The following CDK12 variants were observed in gnomAD, a reference collection of about 807,000 sequenced individuals.
CDK12 encodes the protein cyclin dependent kinase 12, also known as cyclin-dependent kinase 12.
A neutral mutation model predicts 133.8 loss-of-function variants in CDK12; 17 were observed. The observed-to-expected ratio is 0.13, with a 90% CI of 0.09 to 0.19. CDK12 has a LOEUF of 0.19. CDK12 is among the 10% of genes least tolerant of loss of function. The pLI is 1.00. For missense variants in CDK12, 1,508 were observed against 1,818.7 expected (o/e 0.83, Z 3.11); for synonymous variants, 694 against 683.6 (o/e 1.02, Z -0.24).
intron 3 of CDK12, among the ~76,000 whole-genome samples, chr17:39,491,523 A>G (rs2051600308): frequency 6.6e-6 from 1 of 152,160 alleles, no homozygotes; most frequent in Middle Eastern, 3.4e-3. Flanking sequence ...GGCGTGAGCC[A>G]CCGCGTCCGG....
intron 2 of CDK12, among the ~76,000 whole-genome samples, chr17:39,489,586 C>T (rs189341766): frequency 1.8e-4 from 27 of 148,004 alleles, no homozygotes; most frequent in African/African-American, 4.5e-4. Flanking sequence ...CTCACTGGAA[C>T]GATTCAAGCA....
downstream of CDK12, among the ~76,000 whole-genome samples, chr17:39,536,030 T>C (rs900261843): frequency 6.6e-6 from 1 of 152,112 alleles, no homozygotes; most frequent in Non-Finnish European, 1.5e-5. Flanking sequence ...ACAGTTCTTA[T>C]CTGTAGGAAC....
intron 3 of CDK12, chr17:39,556,844 C>G (rs2056182413): frequency 6.6e-6 from 1 of 152,128 alleles, no homozygotes; most frequent in South Asian, 2.1e-4. Flanking sequence ...ACACCCCTCC[C>G]CTCCATTCTA....
chr17:39,565,447 A>T (rs1296246001), downstream of CDK12, among the ~76,000 whole-genome samples: 3 of 73,772 alleles, frequency 4.1e-5, no homozygotes, highest in East Asian at 4.3e-4. Flanking sequence ...TTGTTTGTTT[A>T]AAAAAAACGG....
rs759288732 is a variant in CDK12, at chr17:39,515,826, C to T, written c.2846+18C>T. On this transcript the variant is annotated intron_variant, in intron 9 of 13. Coordinates refer to ENST00000447079, the MANE Select transcript of CDK12 (RefSeq NM_016507.4). ...CTGATCAGGTACAGCTGTACATGTG[C>T]TCTTGAGTGCCCAGGTGTGATAGGT... 5 of 1,563,952 alleles carry T rather than the reference C, an allele frequency of 3.2e-6. No homozygotes were observed. The highest frequency in any genetic ancestry group is 3.5e-6 in the Non-Finnish European group (4 of 1,140,396).
chr17:39,490,403 GATTA>G (rs1290649581), intron 2 of CDK12, among the ~76,000 whole-genome samples, 150 bp from the exon 3 acceptor site: 17 of 151,800 alleles, frequency 1.1e-4, no homozygotes, highest in African/African-American at 3.4e-4. Context: ...CTTTAGTTGT[GATTA>G]ATTATTTTTT....
chr17:39,496,375 T>G (rs1192093445), intron 5 of CDK12, among the ~76,000 whole-genome samples: 1 of 152,118 alleles, frequency 6.6e-6, no homozygotes, highest in Non-Finnish European at 1.5e-5. Flanking sequence ...CAGTCCCTGT[T>G]GAGCAATTAG....
At chr17:39,484,145 A>G (rs866954360) in intron 2 of CDK12, among the ~76,000 whole-genome samples, 6 of 152,132 alleles carry the variant, frequency 3.9e-5, no homozygotes, top group Admixed American at 2.6e-4. Flanking sequence ...TTCCTGGTCT[A>G]TATTCTTTTT....
intron 5 of CDK12, among the ~76,000 whole-genome samples, chr17:39,497,636 C>T (rs2052232347): frequency 6.6e-6 from 1 of 151,814 alleles, no homozygotes; most frequent in African/African-American, 2.4e-5. Flanking sequence ...GAGACAGTCT[C>T]AGTGTGTTGC....
chr17:39,551,379 C>T (rs971873055), intron 2 of CDK12, among the ~76,000 whole-genome samples: 1 of 152,072 alleles, frequency 6.6e-6, no homozygotes, highest in Non-Finnish European at 1.5e-5. Flanking sequence ...AGCCCCTGAC[C>T]CCTATGGAAT....
chr17:39,474,162 A>C (rs2050014145), intron 2 of CDK12, among the ~76,000 whole-genome samples: 1 of 152,306 alleles, frequency 6.6e-6, no homozygotes, highest in African/African-American at 2.4e-5. Context: ...TCTTTGTGTT[A>C]TGGTTTGCTT....
chr17:39,541,864 G>A (rs755279936), intron 1 of CDK12, among the ~76,000 whole-genome samples: 18 of 152,214 alleles, frequency 1.2e-4, no homozygotes, highest in Non-Finnish European at 1.8e-4. Flanking sequence ...TAGGAAAGAG[G>A]TCAGGTAATC....
At chr17:39,544,668 T>C (rs1040988252), upstream of CDK12, among the ~76,000 whole-genome samples, 2 of 141,534 alleles carry the variant, frequency 1.4e-5, no homozygotes, top group Non-Finnish European at 3.0e-5. Context: ...TTGCTCTTGT[T>C]GCCCAGGCCG....
intron 2 of CDK12, among the ~76,000 whole-genome samples, chr17:39,480,144 A>G (rs1189696488): frequency 6.6e-6 from 1 of 152,038 alleles, no homozygotes; most frequent in African/African-American, 2.4e-5. Context: ...GGCTGATTGC[A>G]ATCTCCTGAC....
intron 6 of CDK12, among the ~76,000 whole-genome samples, chr17:39,504,752 G>A (rs1434206193): frequency 6.6e-6 from 1 of 151,600 alleles, no homozygotes; most frequent in African/African-American, 2.4e-5. Flanking sequence ...GGTGGTGCAC[G>A]CATCTAATCC....
intron 10 of CDK12, 113 bp from the exon 11 acceptor site, chr17:39,519,843 C>T: frequency 8.2e-7 from 1 of 1,218,316 alleles, no homozygotes; most frequent in Non-Finnish European, 1.2e-6. Context: ...GCAGTCCTAC[C>T]TTGGCCTCCC....
chr17:39,481,374 G>A (rs2050635669), intron 2 of CDK12, among the ~76,000 whole-genome samples: 1 of 144,312 alleles, frequency 6.9e-6, no homozygotes, highest in African/African-American at 2.6e-5. Flanking sequence ...CACCCAGGCT[G>A]GGGTACACTG....
At position 39,526,419 on chromosome 17, in the gene CDK12, A is replaced by C. The variant is rs368289981; in HGVS notation, c.3760+103A>C. ...CCCCCACATCAATGGCCTTGGTTTC[A>C]GTTATTCTGTAACCTAGTCTACAGG... On this transcript the variant is annotated intron_variant, in intron 13 of 13. Coordinates refer to ENST00000447079, the MANE Select transcript of CDK12 (RefSeq NM_016507.4). The C allele has an allele frequency of 9.7e-6, 8 of 822,400 alleles. No homozygotes were observed. The South Asian group carries it at 1.4e-4, about 15-fold the overall frequency. 50.9% of individuals were successfully genotyped at this position (822,400 alleles called of 1,614,324 possible).
intron 11 of CDK12, 55 bp downstream of exon 11, chr17:39,520,142 T>C (rs897832867): frequency 6.9e-5 from 110 of 1,594,324 alleles, no homozygotes; most frequent in Non-Finnish European, 9.2e-5. Flanking sequence ...CCTTAGACGA[T>C]GAGAAACTCA....
Sources: gnomAD v4.1 joint callset for allele counts (sites outside exome capture counted in the v4.1 genomes callset) on GRCh38, gnomAD v4.1.1 for gene constraint, MANE v1.5 for transcripts, NCBI Gene and HGNC (gene_info 2026-07-23, HGNC 2026-07-21) for gene names.